Variants in SPEF2 observed in about 807,000 individuals in gnomAD.
The protein encoded by SPEF2 is sperm flagella and cilia-associated protein 2.
SPEF2 carries 187 observed loss-of-function variants against 224.6 expected under a neutral mutation model. The observed-to-expected ratio is 0.83, with a 90% CI of 0.74 to 0.94. SPEF2 has a LOEUF of 0.94. Among genes scored for constraint, SPEF2 ranks in the 40% least tolerant of loss-of-function variants. The pLI is 0.00. For missense variants in SPEF2, 2,170 were observed against 2,135.6 expected, an observed-to-expected ratio of 1.02 and a Z score of -0.32; for synonymous variants, 715 against 707.3, an observed-to-expected ratio of 1.01 and a Z score of -0.17.
intron 23 of SPEF2, among the ~76,000 whole-genome samples, chr5:35,745,199 T>A (rs1203920785): frequency 6.6e-6 from 1 of 152,184 alleles, no homozygotes; most frequent in African/African-American, 2.4e-5. Context: ...AGCCCATTCC[T>A]GCTGGGCATC....
At position 35,646,770 on chromosome 5, in the gene SPEF2, A is replaced by G; in HGVS notation, c.689A>G (p.Glu230Gly). The G allele has an allele frequency of 6.2e-7, 1 of 1,613,952 alleles. No homozygotes were observed. The highest frequency in any genetic ancestry group is 8.5e-7 in the Non-Finnish European group (1 of 1,179,916). ...TCAAATCGTACTTTGAAAGCACTCG[A>G]GGCCCAAAAAATGATGAAAAAGAAA... ...PASNRTLKAL[E>G]AQKMMKKKKE... is the part of the protein sequence containing the mutation. Residue 230 changes from glutamate to glycine, a missense_variant, in exon 5 of 37, where the codon GAG becomes GGG. Transcript: ENST00000356031.
At chr5:35,740,326 A>G in intron 23 of SPEF2, 59 bp downstream of exon 23, 2 of 1,596,268 alleles carry the variant, frequency 1.3e-6, no homozygotes. Flanking sequence ...TTGTCCTGCA[A>G]AACCCCAACT....
At chr5:35,766,973 G>A (rs1359776248) in intron 26 of SPEF2, among the ~76,000 whole-genome samples, 1 of 151,788 alleles carries the variant, frequency 6.6e-6, no homozygotes, top group Non-Finnish European at 1.5e-5. Context: ...AATTTTTGAA[G>A]TGTTACATGT....
intron 20 of SPEF2, among the ~76,000 whole-genome samples, chr5:35,713,736 T>A (rs1051389949): frequency 4.6e-5 from 3 of 65,700 alleles, no homozygotes; most frequent in Admixed American, 4.0e-4. Context: ...TGTCTCAAAA[T>A]ATATATATAT....
chr5:35,669,836 G>T (rs1750984313), intron 9 of SPEF2, among the ~76,000 whole-genome samples: 1 of 152,004 alleles, frequency 6.6e-6, no homozygotes, highest in Admixed American at 6.6e-5. Context: ...GCCCCTTTAA[G>T]AGAAAAGTAG....
intron 30 of SPEF2, among the ~76,000 whole-genome samples, chr5:35,785,970 A>AC (rs1755058267): frequency 6.6e-6 from 1 of 152,040 alleles, no homozygotes. Flanking sequence ...CTCTGGGCTA[A>AC]CCCTCACGCT....
intron 34 of SPEF2, among the ~76,000 whole-genome samples, chr5:35,802,948 A>C (rs1757624291): frequency 6.6e-6 from 1 of 152,300 alleles, no homozygotes; most frequent in African/African-American, 2.4e-5. Context: ...AAAGGAGGGA[A>C]GTAAGGAGAC....
intron 36 of SPEF2, among the ~76,000 whole-genome samples, chr5:35,811,453 A>G (rs1018182395): frequency 6.6e-6 from 1 of 152,222 alleles, no homozygotes; most frequent in African/African-American, 2.4e-5. Context: ...CATAATTGTA[A>G]TAATGCATTT....
chr5:35,798,018 G>A (rs1756921299), intron 33 of SPEF2, among the ~76,000 whole-genome samples: 1 of 152,072 alleles, frequency 6.6e-6, no homozygotes, highest in African/African-American at 2.4e-5. Context: ...CAATACCTTA[G>A]GAAATCCTGA....
intron 29 of SPEF2, among the ~76,000 whole-genome samples, chr5:35,777,033 G>A (rs1273884900): frequency 6.6e-6 from 1 of 152,108 alleles, no homozygotes; most frequent in Non-Finnish European, 1.5e-5. Flanking sequence ...ATTGCTCTGG[G>A]CCTCATTGGC....
chr5:35,700,818 A>G, intron 16 of SPEF2, 66 bp downstream of exon 16: 1 of 1,502,436 alleles, frequency 6.7e-7, no homozygotes, highest in African/African-American at 1.4e-5. Context: ...GAATCAGTGA[A>G]TACTCCCATT....
intron 11 of SPEF2, among the ~76,000 whole-genome samples, chr5:35,692,029 A>G (rs572219158): frequency 4.0e-5 from 6 of 151,384 alleles, no homozygotes; most frequent in African/African-American, 1.2e-4. Context: ...CAATCTCCTG[A>G]TCTCGTGATC....
intron 30 of SPEF2, chr5:35,788,559 T>C (rs56349002): frequency 0.028 from 19,421 of 702,734 alleles, 1,212 homozygotes; most frequent in African/African-American, 0.14. Context: ...GGGGTACAGA[T>C]AGTAGAAAGA....
intron 17 of SPEF2, among the ~76,000 whole-genome samples, chr5:35,705,345 A>G (rs1423918744): frequency 6.6e-6 from 1 of 152,038 alleles, no homozygotes; most frequent in African/African-American, 2.4e-5. Flanking sequence ...AAGAGAGTTC[A>G]GAGTTATTCT....
rs1419315731 is a variant in SPEF2 at position 35,799,942 on chromosome 5, A to G, written c.4831-26A>G. The G allele has an allele frequency of 1.9e-6, 3 of 1,612,554 alleles. No individual in the cohort carries two copies. The Middle Eastern group carries it at 5.0e-4, about 267-fold the overall frequency. On this transcript the variant is annotated intron_variant, in intron 33 of 36. Coordinates refer to ENST00000356031, the MANE Select transcript of SPEF2 (RefSeq NM_024867.4). ...CTGACTATGAGAGTGCACCCATTTT[A>G]TCTTTGGAATTCTTTTTGTGTGCAG...
At chr5:35,670,683 C>T in intron 10 of SPEF2, 1 of 985,230 alleles carries the variant, frequency 1.0e-6, no homozygotes, top group Non-Finnish European at 1.2e-6. Flanking sequence ...ATCTTTTATT[C>T]AAAGATTGAA....
In SPEF2 at chr5:35,666,943, T is replaced by G. The variant is rs1047317936; in HGVS notation, c.1168-129T>G. On this transcript the variant is annotated intron_variant, in intron 8 of 36. Coordinates refer to ENST00000356031, the MANE Select transcript of SPEF2 (RefSeq NM_024867.4). ...GTATTAAGAAAAAAGTGTTCATTCA[T>G]GATTAATTTTTTTCCTGGTGTGAGA... is the stretch of plus-strand genomic sequence containing the variant. The G allele has an allele frequency of 1.1e-5, 8 of 761,234 alleles. No individual in the cohort carries two copies. In the African/African-American group the frequency reaches 1.2e-4, roughly 12 times the overall value. 47.2% of individuals were successfully genotyped at this position (761,234 alleles called of 1,614,324 possible).
At chr5:35,801,739 C>G (rs1371523956) in intron 34 of SPEF2, among the ~76,000 whole-genome samples, 2 of 152,052 alleles carry the variant, frequency 1.3e-5, no homozygotes, top group Admixed American at 6.5e-5. Context: ...GCTATATGTT[C>G]CCATGGTGCA....
chr5:35,743,920 C>A (rs1748064096), intron 23 of SPEF2, among the ~76,000 whole-genome samples: 1 of 152,126 alleles, frequency 6.6e-6, no homozygotes, highest in South Asian at 2.1e-4. Context: ...AGTAATACTC[C>A]CATTTTATAG....
Sources: allele counts gnomAD v4.1 joint callset (sites outside exome capture counted in the v4.1 genomes callset), GRCh38; gene constraint gnomAD v4.1.1; transcripts MANE v1.5; gene names NCBI Gene and HGNC (gene_info 2026-07-23, HGNC 2026-07-21).